RIF1: variants seen among roughly 807,000 people sequenced by gnomAD.
RIF1 encodes telomere-associated protein RIF1.
A neutral mutation model predicts 247.1 loss-of-function variants in RIF1; 45 were observed. The ratio of observed to expected loss-of-function variants is 0.18; its 90% CI spans 0.14 to 0.23. The LOEUF (loss-of-function observed/expected upper bound fraction) is 0.23. Ranked by LOEUF, RIF1 falls within the 10% of genes least tolerant of loss-of-function variation. The pLI, the probability that RIF1 is intolerant of heterozygous loss-of-function variation, is 1.00. For synonymous variants in RIF1, 1,087 were observed against 978.8 expected (o/e 1.11, Z -2.06); for missense variants, 2,967 against 2,862.5 (o/e 1.04, Z -0.83).
At chr2:151,513,605 C>G in the RIF1 span, 8 of 1,609,118 alleles carry the variant, frequency 5.0e-6, no homozygotes, top group South Asian at 9.0e-5. Flanking sequence ...AGTAGCATTC[C>G]TGGCCCTCAT....
At chr2:151,528,617 C>A in the RIF1 span, among the ~76,000 whole-genome samples, 40 of 152,264 alleles carry the variant, frequency 2.6e-4, no homozygotes, top group African/African-American at 9.1e-4. Flanking sequence ...TCCCCTCTAG[C>A]ACTAGTGGGT....
At chr2:151,413,185 C>T (rs569053710) in intron 3 of RIF1, among the ~76,000 whole-genome samples, 1 of 152,064 alleles carries the variant, frequency 6.6e-6, no homozygotes, top group Non-Finnish European at 1.5e-5. Flanking sequence ...TGCCACTACG[C>T]CCAGCTACTT....
the RIF1 span, among the ~76,000 whole-genome samples, chr2:151,520,217 T>G: frequency 1.3e-5 from 2 of 152,146 alleles, no homozygotes; most frequent in Non-Finnish European, 2.9e-5. Context: ...TCTGTTAAAT[T>G]AGGAGAATTT....
chr2:151,505,917 A>G, intron 12 of RIF1: 1 of 563,038 alleles, frequency 1.8e-6, no homozygotes. Flanking sequence ...TGGTTCTTTG[A>G]CTGTACCGGA....
chr2:151,424,168 A>G (rs1048674499), intron 8 of RIF1, among the ~76,000 whole-genome samples: 3 of 152,142 alleles, frequency 2.0e-5, no homozygotes, highest in Non-Finnish European at 4.4e-5. Flanking sequence ...CAATGGCGTG[A>G]TCTTGGTTCA....
chr2:151,494,282 CA>C, intron 9 of RIF1: 1 of 1,456,274 alleles, frequency 6.9e-7, no homozygotes. Flanking sequence ...TCCAAAAAGC[CA>C]AAAAGAAAAA....
chr2:151,441,450 A>G (rs977892905), intron 15 of RIF1, among the ~76,000 whole-genome samples: 1 of 152,232 alleles, frequency 6.6e-6, no homozygotes, highest in African/African-American at 2.4e-5. Flanking sequence ...TTCATATAGC[A>G]GTATTTTTAT....
intron 9 of RIF1, among the ~76,000 whole-genome samples, chr2:151,489,423 G>A (rs959645794): frequency 6.6e-6 from 1 of 152,124 alleles, no homozygotes; most frequent in African/African-American, 2.4e-5. Flanking sequence ...TTTTGAGACA[G>A]GGTCTCCCTC....
In RIF1 at chr2:151,461,190, A is replaced by C. The variant is rs141621938; in HGVS notation, c.3128A>C (p.Glu1043Ala). 1.2e-6 allele frequency: 2 copies of C among 1,613,334 alleles called. No homozygotes were observed. Among genetic ancestry groups the C allele is most frequent in the African/African-American group, 2.7e-5 (2 of 74,904 alleles). The change falls in exon 27 of 36, where the codon GAG (glutamate) becomes GCG (alanine). Residue 1043 changes from glutamate (E) to alanine (A), a missense_variant. Physicochemically the swap from Glu to Ala is moderately radical, Grantham distance 107. Coordinates refer to ENST00000444746, the MANE Select transcript of RIF1 (RefSeq NM_018151.5). The stretch of plus-strand genomic sequence containing the variant: ...GTAAAGGGTGAAATTCTTTTGGAAG[A>C]GGAAAAGTCTACTGACTTTGTGTTT... ...LKVKGEILLE[E>A]EKSTDFVFIP...
intron 9 of RIF1, chr2:151,493,295 A>T: frequency 1.5e-6 from 2 of 1,293,160 alleles, no homozygotes; most frequent in Non-Finnish European, 2.2e-6. Context: ...TGTTTTTATG[A>T]TGTTAAAATG....
At chr2:151,467,218 A>G (rs1697059325) in intron 30 of RIF1, among the ~76,000 whole-genome samples, 2 of 151,926 alleles carry the variant, frequency 1.3e-5, no homozygotes, top group Admixed American at 1.3e-4. Flanking sequence ...ACAGAGCGAG[A>G]CTCTCAAAAA....
intron 34 of RIF1, among the ~76,000 whole-genome samples, chr2:151,470,478 C>CTA: frequency 6.6e-6 from 1 of 152,222 alleles, no homozygotes; most frequent in Non-Finnish European, 1.5e-5. Context: ...CATTATGCAG[C>CTA]TACTTGCCAG....
Position 151,463,674 on chromosome 2 carries a change from A to T in RIF1, c.4154A>T (p.Lys1385Ile). The T allele has an allele frequency of 6.2e-7, 1 of 1,613,982 alleles. No homozygotes were observed. Among genetic ancestry groups the T allele is most frequent in the Non-Finnish European group, 8.5e-7 (1 of 1,179,928 alleles). Residue 1385 changes from lysine (K) to isoleucine (I), a missense_variant, in exon 30 of 36, where the codon AAA (lysine) becomes ATA (isoleucine). Lys to Ile is a moderately radical substitution (Grantham distance 102). Around this residue, in one of 7 missense-constraint regions of RIF1, gnomAD observed 2,028 missense variants for 1,825.6 expected, o/e 1.11. Coordinates refer to ENST00000444746, the MANE Select transcript of RIF1 (RefSeq NM_018151.5). ...EKNVEINLES[K>I]ENTPPVVISA... ...AATGTAGAAATTAATTTGGAATCCA[A>T]AGAGAATACACCCCCAGTAGTAATA... is the stretch of plus-strand genomic sequence containing the variant.
chr2:151,437,180 T>G, intron 12 of RIF1, 61 bp from the exon 13 acceptor site: 1 of 1,380,142 alleles, frequency 7.2e-7, no homozygotes, highest in Admixed American at 1.8e-5. Flanking sequence ...AGTTTTATAG[T>G]GAGAAATGTA....
Position 151,503,377 on chromosome 2 carries a change from ACT to A in RIF1, c.*861+198_*861+199del, listed in dbSNP as rs753192734. ...GCTAAAGTTCTCTTGATTGCGTTTG[ACT>A]CTCTCAATCTCTGGAGTCACAGTGG... On this transcript the variant is annotated intron_variant and NMD_transcript_variant, in intron 12 of 13. Transcript: ENST00000454583. The A allele has an allele frequency of 1.9e-6, 3 of 1,612,076 alleles. No homozygotes were observed. Among genetic ancestry groups the A allele is most frequent in the South Asian group, 1.1e-5 (1 of 90,942 alleles).
In RIF1 at chr2:151,443,561, G is replaced by T; in HGVS notation, c.1838G>T (p.Cys613Phe). The part of the protein sequence containing the change: ...FFLSLESLVG[C>F]VLSGPTSPLA... ...CTCAGTTTGGAATCACTTGTAGGCT[G>T]TGTTCTTTCTGGTCCAACTTCACCA... Residue 613 changes from cysteine to phenylalanine, a missense_variant, in exon 18 of 36, where the codon TGT (cysteine) becomes TTT (phenylalanine). Coordinates refer to ENST00000444746, the MANE Select transcript of RIF1 (RefSeq NM_018151.5). The T allele has an allele frequency of 6.2e-7, 1 of 1,606,474 alleles. No individual in the cohort carries two copies. Among genetic ancestry groups the T allele is most frequent in the East Asian group, 2.2e-5 (1 of 44,630 alleles).
At chr2:151,458,060 T>C (rs748591844) in intron 24 of RIF1, 97 bp downstream of exon 24, 1 of 794,254 alleles carries the variant, frequency 1.3e-6, no homozygotes. Context: ...TGGGGTATTG[T>C]TACAGAGGAT....
the RIF1 span, chr2:151,515,022 A>G: frequency 1.9e-5 from 14 of 737,094 alleles, no homozygotes; most frequent in African/African-American, 1.1e-4. Flanking sequence ...AGCATTTTCT[A>G]TGTATGGGCT....
At chr2:151,484,886 C>G (rs555720977), downstream of RIF1, among the ~76,000 whole-genome samples, 47 of 152,324 alleles carry the variant, frequency 3.1e-4, no homozygotes, top group African/African-American at 1.1e-3. Flanking sequence ...GTACGTTGGT[C>G]ATTCGCAAGT....
Sources: gnomAD v4.1 joint callset for allele counts (sites outside exome capture counted in the v4.1 genomes callset) on GRCh38, gnomAD v4.1.1 for gene constraint, gnomAD v4.1.1 regional missense constraint, MANE v1.5 for transcripts, NCBI Gene and HGNC (gene_info 2026-07-23, HGNC 2026-07-21) for gene names.